The following MRPL2 variants were observed in gnomAD, a reference collection of about 807,000 sequenced individuals.
MRPL2 encodes the protein large ribosomal subunit protein uL2m.
Under a neutral mutation model 34.6 loss-of-function variants are expected in MRPL2, and 27 were observed. The ratio of observed to expected loss-of-function variants is 0.78; its 90% confidence interval spans 0.58 to 1.08. The LOEUF (loss-of-function observed/expected upper bound fraction) is 1.08. Ranked by LOEUF, MRPL2 falls within the 50% of genes least tolerant of loss-of-function variation. MRPL2 has a pLI of 0.00. For synonymous variants in MRPL2, 155 were observed against 158.0 expected, an observed-to-expected ratio of 0.98 and a Z score of 0.14; for missense variants, 414 against 419.3, an observed-to-expected ratio of 0.99 and a Z score of 0.11.
chr6:43,055,904 T>C lies in MRPL2; in HGVS notation c.624A>G (p.Arg208=), dbSNP rs558941587. 1.2e-6 allele frequency: 2 copies of C among 1,612,450 alleles called. No homozygotes were observed. Among genetic ancestry groups the C allele is most frequent in the East Asian group, 4.5e-5 (2 of 44,838 alleles). The change falls in exon 5 of 7, where the codon CGA becomes CGG. Residue 208 remains arginine (R), a synonymous_variant. Transcript: ENST00000388752. ...SEPGRGAQYI[R]AAGTCGVLLR... ...CAACTCCTTTCCCCATACCTGCAGCTCGGATATATTGGGCACCCCGGCCTG... is the reference window on the plus strand; with the variant it reads ...CAACTCCTTTCCCCATACCTGCAGCCCGGATATATTGGGCACCCCGGCCTG...
chr6:43,057,276 G>A (rs1268875196), intron 2 of MRPL2, among the ~76,000 whole-genome samples: 3 of 151,736 alleles, frequency 2.0e-5, no homozygotes, highest in African/African-American at 4.8e-5. Context: ...CACCTCCTGG[G>A]TTCAAGCGAT....
chr6:43,055,094 G>A (rs941312299), intron 6 of MRPL2, among the ~76,000 whole-genome samples: 3 of 150,942 alleles, frequency 2.0e-5, no homozygotes, highest in South Asian at 4.2e-4. Context: ...GCCGGGTGTG[G>A]TGGCTCACTC....
In MRPL2 at chr6:43,054,471, C is replaced by A; in HGVS notation, c.721G>T (p.Val241Leu). 1 of 1,614,096 alleles carries A rather than the reference C, an allele frequency of 6.2e-7. No individual in the cohort carries two copies. The highest frequency in any genetic ancestry group is 8.5e-7 in the Non-Finnish European group (1 of 1,180,032). Residue 241 changes from valine to leucine, a missense_variant, in exon 7 of 7, where the codon GTA becomes TTA. Physicochemically the swap from Val to Leu is conservative, Grantham distance 32 (BLOSUM62 1). Coordinates refer to ENST00000388752, the MANE Select transcript of MRPL2 (RefSeq NM_015950.5). ...TTGGATACTCGGCCTACTGTTGCTA[C>A]GCACGTTTCCAGCACCTGACAGAGA... The part of the protein sequence containing the change: ...KRQMQVLETC[V>L]ATVGRVSNVD...
chr6:43,056,504 C>T (rs1581986113), intron 2 of MRPL2, 59 bp from the exon 3 acceptor site: 11 of 1,601,764 alleles, frequency 6.9e-6, no homozygotes, highest in Non-Finnish European at 9.4e-6. Context: ...GTTTCCAGCA[C>T]TGGGAACTGG....
chr6:43,058,513 G>T (rs981204145), intron 1 of MRPL2, among the ~76,000 whole-genome samples: 1 of 152,188 alleles, frequency 6.6e-6, no homozygotes, highest in African/African-American at 2.4e-5. Context: ...ACACATCCAT[G>T]TACCACCATC....
At chr6:43,059,198 G>T in intron 1 of MRPL2, 88 bp downstream of exon 1, 1 of 1,550,792 alleles carries the variant, frequency 6.4e-7, no homozygotes, top group Non-Finnish European at 8.7e-7. Flanking sequence ...CTCCTGACCA[G>T]ACTCGCAACT....
chr6:43,059,083 C>T, intron 1 of MRPL2: 1 of 1,492,518 alleles, frequency 6.7e-7, no homozygotes, highest in African/African-American at 1.4e-5. Flanking sequence ...AGCACTTTCA[C>T]CTTAAGTATC....
At position 43,054,246 on chromosome 6, in the gene MRPL2, G is replaced by GGC. The variant is rs1308238736; in HGVS notation, c.*27_*28insGC. The stretch of plus-strand genomic sequence containing the variant: ...ACAGTAACAGATTAAAACGGGGGGG[G>GGC]GGGGCATTTTATTAGAGTACAGGGA... On this transcript the variant is annotated 3_prime_UTR_variant, in exon 7 of 7. Transcript: ENST00000388752. 5 of 1,392,650 alleles carry GGC rather than the reference G, an allele frequency of 3.6e-6. No homozygotes were observed. In the East Asian group the frequency reaches 1.2e-4, roughly 33 times the overall value. The allele number at this position is 1,392,650 out of a possible 1,614,324, so 86.3% of individuals were successfully genotyped here.
chr6:43,056,362 T>A lies in MRPL2; in HGVS notation c.349A>T (p.Thr117Ser), dbSNP rs1764879327. Residue 117 changes from threonine to serine, a missense_variant, in exon 3 of 7, where the codon ACC becomes TCC. Coordinates refer to ENST00000388752, the MANE Select transcript of MRPL2 (RefSeq NM_015950.5). ...TTCTCCTCAAAGGGTCCTGACTTGG[T>A]CTCCTCAGGCCGGAAACGCAGAAAG... ...IDFLRFRPEETKSGPFEEKVI... is the reference protein window; with the variant it reads ...IDFLRFRPEESKSGPFEEKVI... The A allele has an allele frequency of 6.2e-7, 1 of 1,614,050 alleles. No homozygotes were observed. Among genetic ancestry groups the A allele is most frequent in the Non-Finnish European group, 8.5e-7 (1 of 1,180,042 alleles).
rs1176824114 is a variant in MRPL2 at position 43,058,235 on chromosome 6, T to C, written c.97-2A>G. On this transcript the variant is annotated splice_acceptor_variant, in intron 1 of 6. Transcript: ENST00000388752. LOFTEE classifies it high-confidence loss of function. ...TTGGAGGAGGCCATTGTTCATCATC[T>C]AGGGATAAAAAGACATCTCTTTCAT... 1 of 1,613,606 alleles carries C rather than the reference T, an allele frequency of 6.2e-7. No homozygotes were observed. The highest frequency in any genetic ancestry group is 1.1e-5 in the South Asian group (1 of 91,014).
rs368177516 is a variant in MRPL2, at chr6:43,058,069, G to A, written c.261C>T (p.His87=). The part of the protein sequence containing the change: ...VKMRKSGGRD[H]TGRIRVHGIG... ...TCCCCCTGTCCTTGTTCCCACCTGT[G>A]TGGTCTCGGCCCCCAGACTTCCTCA... The change falls in exon 2 of 7, where the codon CAC becomes CAT. Residue 87 remains histidine, a synonymous_variant. Transcript: ENST00000388752. 2 of 1,613,810 alleles carry A rather than the reference G, an allele frequency of 1.2e-6. No homozygotes were observed. The highest frequency in any genetic ancestry group is 1.7e-6 in the Non-Finnish European group (2 of 1,180,030).
intron 1 of MRPL2, chr6:43,059,029 C>T (rs1764987130): frequency 1.8e-6 from 2 of 1,110,888 alleles, no homozygotes; most frequent in Non-Finnish European, 2.5e-6. Context: ...ATCATAGGCA[C>T]TCGAAACGTT....
intron 5 of MRPL2, 120 bp downstream of exon 5, chr6:43,055,777 C>T: frequency 2.5e-6 from 3 of 1,217,200 alleles, no homozygotes; most frequent in Non-Finnish European, 3.5e-6. Context: ...ACATGCATAT[C>T]TTCATCCTCA....
At chr6:43,057,738 C>A in intron 2 of MRPL2, 1 of 359,720 alleles carries the variant, frequency 2.8e-6, no homozygotes, top group East Asian at 4.3e-5. Flanking sequence ...CTCGGCCTCC[C>A]AAAATGCTGG....
rs777756203 is a variant in MRPL2, at chr6:43,056,092, C to T, written c.509G>A (p.Gly170Asp). The change falls in exon 4 of 7, where the codon GGC (glycine) becomes GAC (aspartate). Residue 170 changes from glycine to aspartate, a missense_variant. Transcript: ENST00000388752. ...TAGCCATCTCTCACCTGCCATTCGG[C>T]CTATGTGGTTAGAGTTCAAGATTGT... ...GDTILNSNHI[G>D]RMAVAAREGD... is the part of the protein sequence containing the mutation. 6.2e-7 allele frequency: 1 copy of T among 1,614,098 alleles called. No individual in the cohort carries two copies. The highest frequency in any genetic ancestry group is 8.5e-7 in the Non-Finnish European group (1 of 1,180,054).
At chr6:43,059,465 GTAAAA>G, upstream of MRPL2, 3 of 1,460,172 alleles carry the variant, frequency 2.1e-6, no homozygotes, top group Non-Finnish European at 2.7e-6. Flanking sequence ...CCGCAATAAC[GTAAAA>G]GGAGGCGGGC....
At position 43,054,230 on chromosome 6, in the gene MRPL2, G is replaced by GCCTATA; in HGVS notation, c.*43_*44insTATAGG. On this transcript the variant is annotated 3_prime_UTR_variant, in exon 7 of 7. Coordinates refer to ENST00000388752, the MANE Select transcript of MRPL2 (RefSeq NM_015950.5). ...CACCCAAAACAAAACCACAGTAACA[G>GCCTATA]ATTAAAACGGGGGGGGGGGGCATTT... 1 of 1,220,686 alleles carries GCCTATA rather than the reference G, an allele frequency of 8.2e-7. No homozygotes were observed. The highest frequency in any genetic ancestry group is 1.1e-6 in the Non-Finnish European group (1 of 896,084). 75.6% of individuals were successfully genotyped at this position (1,220,686 alleles called of 1,614,324 possible). A position where few individuals can be genotyped will look rare whatever the true frequency, so the allele number is the denominator to read the frequency against.
rs772801397 is a variant in MRPL2 at position 43,055,980 on chromosome 6, G to A, written c.548C>T (p.Pro183Leu). Residue 183 changes from proline (P) to leucine (L), a missense_variant, in exon 5 of 7, where the codon CCT (proline) becomes CTT (leucine). By Grantham distance (98) the Pro-to-Leu change is moderately conservative. Transcript: ENST00000388752. ...GGTCCCCACAGGCAGAGCCCCAAGA[G>A]GATGCGCATCCCCTTCCCGAGCAGC... is the stretch of plus-strand genomic sequence containing the variant. Reference protein sequence around the residue: ...AVAAREGDAHPLGALPVGTLI... With the variant: ...AVAAREGDAHLLGALPVGTLI... The A allele has an allele frequency of 3.7e-6, 6 of 1,614,048 alleles. No individual in the cohort carries two copies. The East Asian group carries it at 1.1e-4, about 30-fold the overall frequency.
intron 6 of MRPL2, among the ~76,000 whole-genome samples, chr6:43,055,150 G>T (rs755520155): frequency 6.7e-6 from 1 of 149,240 alleles, no homozygotes; most frequent in Non-Finnish European, 1.5e-5. Context: ...GGATTATGAG[G>T]TAAGGAGTTT....
Sources: gnomAD v4.1 joint callset for allele counts (sites outside exome capture counted in the v4.1 genomes callset) on GRCh38, gnomAD v4.1.1 for gene constraint, MANE v1.5 for transcripts, NCBI Gene and HGNC (gene_info 2026-07-23, HGNC 2026-07-21) for gene names.